PDP2: variants seen among roughly 807,000 people sequenced by gnomAD.
PDP2 encodes the protein [Pyruvate dehydrogenase [acetyl-transferring]]-phosphatase 2, mitochondrial.
PDP2 carries 23 observed loss-of-function variants against 34.2 expected under a neutral mutation model. That is an observed-to-expected ratio of 0.67 (90% confidence interval 0.48 to 0.95). The LOEUF (loss-of-function observed/expected upper bound fraction) is 0.95. PDP2 is among the 40% of genes least tolerant of loss of function. The probability of loss-of-function intolerance (pLI) is 0.00; values close to 1 mark genes in which losing one functional copy is unlikely to be tolerated. For synonymous variants in PDP2, 275 were observed against 269.2 expected (o/e 1.02, Z -0.21); for missense variants, 571 against 659.6 (o/e 0.87, Z 1.47).
Position 66,885,204 on chromosome 16 carries a change from G to T in PDP2, c.920G>T (p.Arg307Leu). Residue 307 changes from arginine to leucine, a missense_variant, in exon 2 of 2, where the codon CGT becomes CTT. Physicochemically the swap from Arg to Leu is moderately radical, Grantham distance 102. Around this residue, in one of 2 missense-constraint regions of PDP2, gnomAD observed 281 missense variants for 375.8 expected, o/e 0.75. Transcript: ENST00000311765. The surrounding 1 kb of genome is among the most constrained non-coding windows in gnomAD (Gnocchi z 4.6). ...NGMWSCLPLT[R>L]DHNAWNQAEL... ...ATGTGGTCTTGTCTGCCCCTTACACGTGACCACAATGCCTGGAACCAGGCC... is the reference window on the plus strand; with the variant it reads ...ATGTGGTCTTGTCTGCCCCTTACACTTGACCACAATGCCTGGAACCAGGCC... 1 of 1,613,998 alleles carries T rather than the reference G, an allele frequency of 6.2e-7. No homozygotes were observed. The highest frequency in any genetic ancestry group is 8.5e-7 in the Non-Finnish European group (1 of 1,180,032).
At position 66,890,879 on chromosome 16, in the gene PDP2, A is replaced by G. The variant is rs1477035951; in HGVS notation, c.*5005A>G. ...AGCTCATTGGGACAGCCATGCAGCT[A>G]TCAGAGCCGACTGAAGCCCTGTCCC... On this transcript the variant is annotated 3_prime_UTR_variant, in exon 2 of 2. Transcript: ENST00000311765. 6 of 152,222 alleles carry G rather than the reference A, an allele frequency of 3.9e-5. No homozygotes were observed. Among genetic ancestry groups the G allele is most frequent in the Non-Finnish European group, 8.8e-5 (6 of 68,040 alleles). 9.4% of individuals were successfully genotyped at this position (152,222 alleles called of 1,614,324 possible). A position where few individuals can be genotyped will look rare whatever the true frequency, so the allele number is the denominator to read the frequency against.
In PDP2 at chr16:66,884,717, G is replaced by T; in HGVS notation, c.433G>T (p.Gly145Cys). 1 of 1,614,194 alleles carries T rather than the reference G, an allele frequency of 6.2e-7. No individual in the cohort carries two copies. The highest frequency in any genetic ancestry group is 8.5e-7 in the Non-Finnish European group (1 of 1,180,042). Residue 145 changes from glycine to cysteine, a missense_variant, in exon 2 of 2, where the codon GGT becomes TGT. Physicochemically the swap from Gly to Cys is radical, Grantham distance 159. Transcript: ENST00000311765. ...GTTTGGCATCTTCGATGGACATGGT[G>T]GTCATGCATGTGCCCAAGCAGTGAG... The part of the protein sequence containing the change: ...LMFGIFDGHG[G>C]HACAQAVSER...
chr16:66,884,413 C>G lies in PDP2; in HGVS notation c.129C>G (p.Ser43=). 6.2e-7 allele frequency: 1 copy of G among 1,614,102 alleles called. No individual in the cohort carries two copies. Among genetic ancestry groups the G allele is most frequent in the South Asian group, 1.1e-5 (1 of 91,074 alleles). The change falls in exon 2 of 2, where the codon TCC becomes TCG. Residue 43 remains serine (S), a synonymous_variant. Coordinates refer to ENST00000311765, the MANE Select transcript of PDP2 (RefSeq NM_020786.4). Reference sequence around the variant, plus strand: ...ATAAATTAAAATGGAGGCTCTTTTCCCGGGTGCCACCCACCCTAAACAGTT... The same window carrying G: ...ATAAATTAAAATGGAGGCTCTTTTCGCGGGTGCCACCCACCCTAAACAGTT... ...NRNKLKWRLF[S]RVPPTLNSSP...
In PDP2 at chr16:66,884,305, C is replaced by T; in HGVS notation, c.21C>T (p.Tyr7=). ...TCAGAATGTCAAGTACTGTGTCCTA[C>T]TGGATCTTAAATTCTACAAGGAACA... The part of the protein sequence containing the change: MSSTVS[Y]WILNSTRNSI... Residue 7 remains tyrosine, a synonymous_variant, in exon 2 of 2, where the codon TAC becomes TAT. Coordinates refer to ENST00000311765, the MANE Select transcript of PDP2 (RefSeq NM_020786.4). The T allele has an allele frequency of 6.2e-7, 1 of 1,611,060 alleles. No homozygotes were observed. The highest frequency in any genetic ancestry group is 8.5e-7 in the Non-Finnish European group (1 of 1,178,392).
chr16:66,886,530 C>G lies in PDP2; in HGVS notation c.*656C>G, dbSNP rs1017127428. The G allele has an allele frequency of 4.3e-6, 2 of 468,788 alleles. No individual in the cohort carries two copies. Among genetic ancestry groups the G allele is most frequent in the Non-Finnish European group, 8.9e-6 (2 of 225,392 alleles). 29.0% of individuals were successfully genotyped at this position (468,788 alleles called of 1,614,324 possible). A position where few individuals can be genotyped will look rare whatever the true frequency, so the allele number is the denominator to read the frequency against. Reference sequence around the variant, plus strand: ...CCTACTGTAAGCATGCTTGGAATGACTTGTTTTGGTTTTCAGCTGATAGGA... The same window carrying G: ...CCTACTGTAAGCATGCTTGGAATGAGTTGTTTTGGTTTTCAGCTGATAGGA... On this transcript the variant is annotated 3_prime_UTR_variant, in exon 2 of 2. Transcript: ENST00000311765.
In PDP2 at chr16:66,884,358, G is replaced by A. The variant is rs767091322; in HGVS notation, c.74G>A (p.Arg25His). 10 of 1,613,806 alleles carry A rather than the reference G, an allele frequency of 6.2e-6. No individual in the cohort carries two copies. The East Asian group carries it at 1.1e-4, about 18-fold the overall frequency. The change falls in exon 2 of 2, where the codon CGC becomes CAC. Residue 25 changes from arginine to histidine, a missense_variant. By Grantham distance (29) the Arg-to-His change is conservative. Coordinates refer to ENST00000311765, the MANE Select transcript of PDP2 (RefSeq NM_020786.4). ...NSIATLQGGR[R>H]LYSRYVSNRN... ...ATTGCCACATTGCAAGGGGGTAGAC[G>A]CTTATACTCCAGGTATGTCTCAAAT...
In PDP2 at chr16:66,885,763, G is replaced by A. The variant is rs547092173; in HGVS notation, c.1479G>A (p.Ala493=). The A allele has an allele frequency of 3.4e-5, 55 of 1,613,456 alleles. 1 individual carries two copies. The South Asian group carries it at 4.2e-4, about 12-fold the overall frequency. ...GGGAGATGGAGGCAGAGCGGCTGGCGGCGATGCTGACATTGCCAGAGGACT... is the reference window on the plus strand; with the variant it reads ...GGGAGATGGAGGCAGAGCGGCTGGCAGCGATGCTGACATTGCCAGAGGACT... The part of the protein sequence containing the change: ...EYGEMEAERL[A]AMLTLPEDLA... Residue 493 remains alanine, a synonymous_variant, in exon 2 of 2, where the codon GCG becomes GCA. Transcript: ENST00000311765. The surrounding 1 kb of genome is among the most constrained non-coding windows in gnomAD (Gnocchi z 4.6).
Position 66,886,931 on chromosome 16 carries a change from AGACGTTTAGACAG to A in PDP2, c.*1061_*1073del. On this transcript the variant is annotated 3_prime_UTR_variant, in exon 2 of 2. Transcript: ENST00000311765. Reference sequence around the variant, plus strand: ...GATTGCATGTGGTAGTTGTGGTGATAGACGTTTAGACAGGACAGGTTAATTTAGCGGATTGTGG... The same window carrying A: ...GATTGCATGTGGTAGTTGTGGTGATAGACAGGTTAATTTAGCGGATTGTGG... The A allele has an allele frequency of 5.7e-6, 1 of 176,180 alleles. No individual in the cohort carries two copies. Among genetic ancestry groups the A allele is most frequent in the Admixed American group, 6.0e-5 (1 of 16,634 alleles). The allele number at this position is 176,180 out of a possible 1,614,324, so 10.9% of individuals were successfully genotyped here. A position where few individuals can be genotyped will look rare whatever the true frequency, so the allele number is the denominator to read the frequency against.
rs28398401 is a variant in PDP2 at position 66,886,607 on chromosome 16, A to G, written c.*733A>G. On this transcript the variant is annotated 3_prime_UTR_variant, in exon 2 of 2. Transcript: ENST00000311765. ...ACTGGTGCAGCTTTTTGTGCCCTCT[A>G]CTGAGTCCCATTCCAGAAACTTTGA... The G allele has an allele frequency of 0.09, 41,000 of 455,182 alleles. 3,165 individuals are homozygous for G. Among genetic ancestry groups the G allele is most frequent in the African/African-American group, 0.23 (11,283 of 49,624 alleles). 28.2% of individuals were successfully genotyped at this position (455,182 alleles called of 1,614,324 possible).
Position 66,885,193 on chromosome 16 carries a change from G to C in PDP2, c.909G>C (p.Leu303=). ...VQEDNGMWSC[L]PLTRDHNAWN... ...AGGACAATGGCATGTGGTCTTGTCTGCCCCTTACACGTGACCACAATGCCT... is the reference window on the plus strand; with the variant it reads ...AGGACAATGGCATGTGGTCTTGTCTCCCCCTTACACGTGACCACAATGCCT... Residue 303 remains leucine (L), a synonymous_variant, in exon 2 of 2, where the codon CTG becomes CTC. Coordinates refer to ENST00000311765, the MANE Select transcript of PDP2 (RefSeq NM_020786.4). This position sits in a 1 kb window ranked among gnomAD's most constrained non-coding sequence, Gnocchi z 4.6. The C allele has an allele frequency of 1.9e-6, 3 of 1,613,966 alleles. No individual in the cohort carries two copies. Among genetic ancestry groups the C allele is most frequent in the Non-Finnish European group, 2.5e-6 (3 of 1,180,034 alleles).
In PDP2 at chr16:66,884,533, T is replaced by C. The variant is rs373657518; in HGVS notation, c.249T>C (p.Asn83=). The C allele has an allele frequency of 1.1e-5, 17 of 1,614,068 alleles. No homozygotes were observed. The highest frequency in any genetic ancestry group is 1.4e-5 in the Non-Finnish European group (16 of 1,180,050). Residue 83 remains asparagine (N), a synonymous_variant, in exon 2 of 2, where the codon AAT becomes AAC. Coordinates refer to ENST00000311765, the MANE Select transcript of PDP2 (RefSeq NM_020786.4). ...TGCAACTCAGCCCTGAGCAGATAAA[T>C]GAAGTGCTTCGAGCTGGCGAGACAA... The part of the protein sequence containing the change: ...FHLQLSPEQI[N]EVLRAGETTH...
At chr16:66,881,176 C>G (rs912808371) in intron 1 of PDP2, among the ~76,000 whole-genome samples, 2 of 152,162 alleles carry the variant, frequency 1.3e-5, no homozygotes, top group African/African-American at 2.4e-5. Flanking sequence ...TGCGTCCTGG[C>G]TGCGGTGTAT....
Position 66,886,125 on chromosome 16 carries a change from C to T in PDP2, c.*251C>T. The stretch of plus-strand genomic sequence containing the variant: ...CAGAGCATAAAGTCTATAGAATTGG[C>T]TTGGGCTTGTGTAGCCCCAGTCATT... On this transcript the variant is annotated 3_prime_UTR_variant, in exon 2 of 2. Coordinates refer to ENST00000311765, the MANE Select transcript of PDP2 (RefSeq NM_020786.4). 1 of 447,182 alleles carries T rather than the reference C, an allele frequency of 2.2e-6. No individual in the cohort carries two copies. 27.7% of individuals were successfully genotyped at this position (447,182 alleles called of 1,614,324 possible).
Position 66,886,032 on chromosome 16 carries a change from A to T in PDP2, c.*158A>T, listed in dbSNP as rs1401418487. The T allele has an allele frequency of 7.3e-6, 5 of 684,640 alleles. No homozygotes were observed. Among genetic ancestry groups the T allele is most frequent in the Non-Finnish European group, 1.0e-5 (4 of 400,656 alleles). The allele number at this position is 684,640 out of a possible 1,614,324, so 42.4% of individuals were successfully genotyped here. Reference sequence around the variant, plus strand: ...GAAAAAAACAAACAGCCTAGCTTTAAAAAACAGTGAAATAGCAGTGATTTC... The same window carrying T: ...GAAAAAAACAAACAGCCTAGCTTTATAAAACAGTGAAATAGCAGTGATTTC... On this transcript the variant is annotated 3_prime_UTR_variant, in exon 2 of 2. Coordinates refer to ENST00000311765, the MANE Select transcript of PDP2 (RefSeq NM_020786.4).
At position 66,889,976 on chromosome 16, in the gene PDP2, TAAA is replaced by T. The variant is rs111703048; in HGVS notation, c.*4118_*4120del. 5.1e-5 allele frequency: 6 copies of T among 118,642 alleles called. No homozygotes were observed. The highest frequency in any genetic ancestry group is 5.5e-5 in the Non-Finnish European group (3 of 54,412). The allele number at this position is 118,642 out of a possible 1,614,324, so 7.3% of individuals were successfully genotyped here. A position where few individuals can be genotyped will look rare whatever the true frequency, so the allele number is the denominator to read the frequency against. ...CTGTGTCTAAAAAAAAAGTTTGAAT[TAAA>T]AAAAAAAAAAAAAAAGTCGGCTGTG... On this transcript the variant is annotated 3_prime_UTR_variant, in exon 2 of 2. Transcript: ENST00000311765.
At chr16:66,882,965 A>G (rs1427930777) in intron 1 of PDP2, 2 of 152,010 alleles carry the variant, frequency 1.3e-5, no homozygotes, top group African/African-American at 2.4e-5. Flanking sequence ...GAATGGGGCT[A>G]TAGGTGTGCG....
rs1321511540 is a variant in PDP2, at chr16:66,889,116, G to C, written c.*3242G>C. The C allele has an allele frequency of 6.6e-6, 1 of 152,124 alleles. No individual in the cohort carries two copies. The highest frequency in any genetic ancestry group is 1.5e-5 in the Non-Finnish European group (1 of 68,032). The allele number at this position is 152,124 out of a possible 1,614,324, so 9.4% of individuals were successfully genotyped here. A position where few individuals can be genotyped will look rare whatever the true frequency, so the allele number is the denominator to read the frequency against. ...GAGAGGAGTTTAGTGGTAATTGTCA[G>C]GTCTTTCAAAGCATTTATTATTCCT... On this transcript the variant is annotated 3_prime_UTR_variant, in exon 2 of 2. Transcript: ENST00000311765.
Position 66,886,136 on chromosome 16 carries a change from G to A in PDP2, c.*262G>A. 1 of 409,102 alleles carries A rather than the reference G, an allele frequency of 2.4e-6. No individual in the cohort carries two copies. Among genetic ancestry groups the A allele is most frequent in the South Asian group, 3.6e-5 (1 of 27,784 alleles). The allele number at this position is 409,102 out of a possible 1,614,324, so 25.3% of individuals were successfully genotyped here. On this transcript the variant is annotated 3_prime_UTR_variant, in exon 2 of 2. Coordinates refer to ENST00000311765, the MANE Select transcript of PDP2 (RefSeq NM_020786.4). ...GTCTATAGAATTGGCTTGGGCTTGT[G>A]TAGCCCCAGTCATTTGATAAAGATG...
In PDP2 at chr16:66,890,767, A is replaced by T. The variant is rs1421390388; in HGVS notation, c.*4893A>T. ...CTGAAACACGATTCTCATGGCAGAA[A>T]AAGCCCTGGTGTTTCCTTGGAGCTG... On this transcript the variant is annotated 3_prime_UTR_variant, in exon 2 of 2. Coordinates refer to ENST00000311765, the MANE Select transcript of PDP2 (RefSeq NM_020786.4). 6.6e-6 allele frequency: 1 copy of T among 152,202 alleles called. No individual in the cohort carries two copies. Among genetic ancestry groups the T allele is most frequent in the African/African-American group, 2.4e-5 (1 of 41,454 alleles). The allele number at this position is 152,202 out of a possible 1,614,324, so 9.4% of individuals were successfully genotyped here.
Sources: gnomAD v4.1 joint callset for allele counts (sites outside exome capture counted in the v4.1 genomes callset) on GRCh38, gnomAD v4.1.1 for gene constraint, gnomAD v4.1.1 regional missense constraint, Gnocchi (gnomAD v3.1) non-coding constraint, MANE v1.5 for transcripts, NCBI Gene and HGNC (gene_info 2026-07-23, HGNC 2026-07-21) for gene names.